RTTN: variants seen among roughly 807,000 people sequenced by gnomAD.
RTTN encodes rotatin.
Under a neutral mutation model 269.2 loss-of-function variants are expected in RTTN, and 182 were observed. The ratio of observed to expected loss-of-function variants is 0.68; its 90% CI spans 0.60 to 0.76. The LOEUF (loss-of-function observed/expected upper bound fraction) is 0.76, where lower values mean the gene tolerates loss of function less well. Among genes scored for constraint, RTTN ranks in the 30% least tolerant of loss-of-function variants. The pLI is 0.00. For synonymous variants in RTTN, 1,006 were observed against 963.5 expected (o/e 1.04, Z -0.82); for missense variants, 2,545 against 2,608.6 (o/e 0.98, Z 0.53).
intron 40 of RTTN, among the ~76,000 whole-genome samples, chr18:70,041,553 T>C (rs1009947305): frequency 6.6e-6 from 1 of 152,126 alleles, no homozygotes; most frequent in Non-Finnish European, 1.5e-5. Context: ...CAGGCATCCC[T>C]GGACGTGAGG....
chr18:70,165,680 A>G (rs1477755460), intron 14 of RTTN, among the ~76,000 whole-genome samples: 1 of 152,112 alleles, frequency 6.6e-6, no homozygotes, highest in Admixed American at 6.5e-5. Context: ...TCAAAAGAAA[A>G]GAAAAATAAA....
intron 46 of RTTN, among the ~76,000 whole-genome samples, chr18:70,011,160 C>G (rs2056360353): frequency 6.6e-6 from 1 of 152,248 alleles, no homozygotes; most frequent in South Asian, 2.1e-4. Context: ...ACCAGGCATA[C>G]AAAGTGGAGC....
intron 32 of RTTN, among the ~76,000 whole-genome samples, chr18:70,079,146 T>C (rs1215416629): frequency 6.6e-6 from 1 of 152,030 alleles, no homozygotes; most frequent in African/African-American, 2.4e-5. Context: ...GGTAAAACTG[T>C]CTCAGTGAAT....
intron 23 of RTTN, among the ~76,000 whole-genome samples, chr18:70,132,879 C>T (rs1387885611): frequency 6.6e-6 from 1 of 152,074 alleles, no homozygotes; most frequent in Non-Finnish European, 1.5e-5. Flanking sequence ...TAATAAAACC[C>T]TTTCTCCTCT....
chr18:70,152,353 G>A (rs924159999), intron 14 of RTTN, among the ~76,000 whole-genome samples: 16 of 152,058 alleles, frequency 1.1e-4, no homozygotes, highest in African/African-American at 3.9e-4. Context: ...GAATGACCTT[G>A]GACAAATTCA....
chr18:70,019,358 C>T (rs913282414), intron 45 of RTTN: 3 of 152,158 alleles, frequency 2.0e-5, no homozygotes, highest in African/African-American at 4.8e-5. Flanking sequence ...GAAAGCACTG[C>T]CCCCGCTCTG....
At chr18:70,029,620 A>G (rs1214221079) in intron 42 of RTTN, among the ~76,000 whole-genome samples, 1 of 152,210 alleles carries the variant, frequency 6.6e-6, no homozygotes, top group Non-Finnish European at 1.5e-5. Context: ...AATAAATATG[A>G]AATGTTTCAA....
At chr18:70,080,893 T>C (rs148329420) in intron 32 of RTTN, among the ~76,000 whole-genome samples, 82 of 150,346 alleles carry the variant, frequency 5.5e-4, no homozygotes, top group African/African-American at 1.8e-3. Flanking sequence ...CAAATGCCCA[T>C]CCACCAATGA....
chr18:70,135,304 T>G (rs1351310343), intron 21 of RTTN, 24 bp from the exon 22 acceptor site: 2 of 1,306,652 alleles, frequency 1.5e-6, no homozygotes, highest in Non-Finnish European at 2.1e-6. Context: ...AGCACAACTT[T>G]ATGAAATATT....
intron 28 of RTTN, among the ~76,000 whole-genome samples, chr18:70,106,738 A>G (rs7230841): frequency 0.85 from 129,823 of 151,968 alleles, 57,562 homozygotes; most frequent in East Asian, 1. Flanking sequence ...TGTTTCTGAA[A>G]AATAATCTGG....
rs140140137 is a variant in RTTN at position 70,033,138 on chromosome 18, T to C, written c.5542-2157A>G. On this transcript the variant is annotated intron_variant, in intron 40 of 48. Transcript: ENST00000640769. Reference sequence around the variant, plus strand: ...TGAGATCTGGTTGTTTAAAAGTGTGTGGCATCTTGCCCCTCTCTCTTCCTC... The same window carrying C: ...TGAGATCTGGTTGTTTAAAAGTGTGCGGCATCTTGCCCCTCTCTCTTCCTC... 2.6e-4 allele frequency among the ~76,000 whole-genome samples: 39 copies of C among 152,308 alleles called. No homozygotes were observed. In the East Asian group the frequency reaches 6.8e-3, roughly 26 times the overall value.
chr18:70,033,028 T>A (rs893320598), intron 40 of RTTN, among the ~76,000 whole-genome samples: 1 of 152,272 alleles, frequency 6.6e-6, no homozygotes, highest in African/African-American at 2.4e-5. Flanking sequence ...TAGTCCCCAA[T>A]GTTGGGAACT....
intron 40 of RTTN, among the ~76,000 whole-genome samples, chr18:70,034,551 A>T (rs1226914053): frequency 6.6e-6 from 1 of 152,260 alleles, no homozygotes; most frequent in Non-Finnish European, 1.5e-5. Context: ...ATATTAAAAT[A>T]ACGAGAGCCA....
At position 70,137,926 on chromosome 18, in the gene RTTN, C is replaced by T. The variant is rs972607641; in HGVS notation, c.2788+1673G>A. Among the ~76,000 whole-genome samples, 5 of 152,174 alleles carry T rather than the reference C, an allele frequency of 3.3e-5. No individual in the cohort carries two copies. In the East Asian group the frequency reaches 9.6e-4, roughly 29 times the overall value. ...GCCTAGCATTGCACCTAGCACAAAGCATGTGCTTAATAAACGTTTGCTGAG... is the reference window on the plus strand; with the variant it reads ...GCCTAGCATTGCACCTAGCACAAAGTATGTGCTTAATAAACGTTTGCTGAG... On this transcript the variant is annotated intron_variant, in intron 21 of 48. Coordinates refer to ENST00000640769, the MANE Select transcript of RTTN (RefSeq NM_173630.4).
rs372086690 is a variant in RTTN, at chr18:70,067,806, T to C, written c.4654-1884A>G. Among the ~76,000 whole-genome samples, 6 of 152,308 alleles carry C rather than the reference T, an allele frequency of 3.9e-5. No individual in the cohort carries two copies. The East Asian group carries it at 7.7e-4, about 20-fold the overall frequency. On this transcript the variant is annotated intron_variant, in intron 34 of 48. Coordinates refer to ENST00000640769, the MANE Select transcript of RTTN (RefSeq NM_173630.4). Reference sequence around the variant, plus strand: ...GATCGGTGTGGGAAAAGAAAGCTTATAAGGGCCCACTAAATACCTGGCTCA... The same window carrying C: ...GATCGGTGTGGGAAAAGAAAGCTTACAAGGGCCCACTAAATACCTGGCTCA...
chr18:70,057,895 A>G (rs1376559568), intron 36 of RTTN, 63 bp from the exon 37 acceptor site: 3 of 1,199,740 alleles, frequency 2.5e-6, no homozygotes, highest in East Asian at 5.0e-5. Flanking sequence ...AAAGATTAAG[A>G]AATCAGAATT....
intron 42 of RTTN, among the ~76,000 whole-genome samples, chr18:70,029,036 C>T (rs1012452568): frequency 6.6e-6 from 1 of 151,882 alleles, no homozygotes; most frequent in East Asian, 1.9e-4. Flanking sequence ...TGGAGGAACT[C>T]GGATATATGA....
At position 70,035,783 on chromosome 18, in the gene RTTN, T is replaced by C. The variant is rs896620724; in HGVS notation, c.5542-4802A>G. Among the ~76,000 whole-genome samples the C allele has an allele frequency of 5.3e-5, 8 of 152,042 alleles. No individual in the cohort carries two copies. In the South Asian group the frequency reaches 1.5e-3, roughly 28 times the overall value. On this transcript the variant is annotated intron_variant, in intron 40 of 48. Transcript: ENST00000640769. ...CAGAGTAAACAGACAACCTACAGAA[T>C]GGGAGAAAATATCTGCAAACTATGC...
At chr18:70,189,842 C>G (rs283246) in intron 9 of RTTN, among the ~76,000 whole-genome samples, 151,466 of 152,368 alleles carry the variant, frequency 0.99, 75,287 homozygotes, top group East Asian at 1. Flanking sequence ...CTCAGCAGAC[C>G]TCTGTCATAT....
Sources: gnomAD v4.1 joint callset for allele counts (sites outside exome capture counted in the v4.1 genomes callset) on GRCh38, gnomAD v4.1.1 for gene constraint, MANE v1.5 for transcripts, NCBI Gene and HGNC (gene_info 2026-07-23, HGNC 2026-07-21) for gene names.